The following NOP14 variants were observed in gnomAD, a reference collection of about 807,000 sequenced individuals.
NOP14 encodes NOP14 nucleolar protein, also known as nucleolar protein 14.
NOP14 carries 57 observed loss-of-function variants against 101.6 expected under a neutral mutation model. The ratio of observed to expected loss-of-function variants is 0.56; its 90% CI spans 0.45 to 0.70. The LOEUF (loss-of-function observed/expected upper bound fraction) is 0.70. NOP14 is among the 30% of genes least tolerant of loss of function. The pLI is 0.00. For missense variants in NOP14, 1,134 were observed against 1,075.5 expected (o/e 1.05, Z -0.76); for synonymous variants, 428 against 424.0 (o/e 1.01, Z -0.12).
chr4:2,949,818 G>T lies in NOP14; in HGVS notation c.1282+116C>A. Reference sequence around the variant, plus strand: ...GGGGTGTGTCCAGGCACTCCCAAGGGCATCCTTGGTCCCCATTCCACAAAT... The same window carrying T: ...GGGGTGTGTCCAGGCACTCCCAAGGTCATCCTTGGTCCCCATTCCACAAAT... On this transcript the variant is annotated intron_variant, in intron 8 of 17. Coordinates refer to ENST00000416614, the MANE Select transcript of NOP14 (RefSeq NM_001291978.2). The T allele has an allele frequency of 1.7e-6, 2 of 1,183,120 alleles. 1 individual carries two copies. Among genetic ancestry groups the T allele is most frequent in the South Asian group, 2.7e-5 (2 of 73,478 alleles). 73.3% of individuals were successfully genotyped at this position (1,183,120 alleles called of 1,614,324 possible). A position where few individuals can be genotyped will look rare whatever the true frequency, so the allele number is the denominator to read the frequency against.
At position 2,955,432 on chromosome 4, in the gene NOP14, G is replaced by A. The variant is rs866343114; in HGVS notation, c.473-869C>T. On this transcript the variant is annotated intron_variant, in intron 3 of 17. Transcript: ENST00000416614. ...CCCCTCTAGTCACCTGCACCACGGCGCCCTCTAGTCACCTGCACCACAGCG... is the reference window on the plus strand; with the variant it reads ...CCCCTCTAGTCACCTGCACCACGGCACCCTCTAGTCACCTGCACCACAGCG... Among the ~76,000 whole-genome samples, 37 of 113,180 alleles carry A rather than the reference G, an allele frequency of 3.3e-4. 1 individual carries two copies. The highest frequency in any genetic ancestry group is 1.5e-3 in the Admixed American group (16 of 10,576). The allele number at this position is 113,180 out of a possible 152,430, so 74.3% of individuals were successfully genotyped here.
chr4:2,956,568 C>A (rs905321658), intron 3 of NOP14, 102 bp downstream of exon 3: 5 of 1,126,580 alleles, frequency 4.4e-6, no homozygotes, highest in South Asian at 1.9e-5. Flanking sequence ...AACTTTCATG[C>A]AATAACTTTC....
At chr4:2,945,362 C>G in intron 11 of NOP14, 133 bp from the exon 12 acceptor site, 1 of 675,450 alleles carries the variant, frequency 1.5e-6, no homozygotes, top group Non-Finnish European at 2.6e-6. Flanking sequence ...AGAGCTCTGG[C>G]CTCAGTGTCA....
intron 15 of NOP14, 30 bp downstream of exon 15, chr4:2,941,552 C>T: frequency 6.2e-7 from 1 of 1,605,250 alleles, no homozygotes. Context: ...TGAGCCCAGG[C>T]AGAGCACCCT....
Position 2,938,209 on chromosome 4 carries a change from A to G in NOP14, c.*622T>C. ...GGGAGCTGGAGGTTGGAATCACACC[A>G]ACATTATAGCATTATTACTCTAAAA... is the stretch of plus-strand genomic sequence containing the variant. On this transcript the variant is annotated 3_prime_UTR_variant, in exon 18 of 18. Transcript: ENST00000416614. 1 of 1,289,064 alleles carries G rather than the reference A, an allele frequency of 7.8e-7. No individual in the cohort carries two copies. Among genetic ancestry groups the G allele is most frequent in the Non-Finnish European group, 1.0e-6 (1 of 988,608 alleles). The allele number at this position is 1,289,064 out of a possible 1,614,324, so 79.9% of individuals were successfully genotyped here. A position where few individuals can be genotyped will look rare whatever the true frequency, so the allele number is the denominator to read the frequency against.
intron 15 of NOP14, chr4:2,941,351 G>T: frequency 1.9e-6 from 1 of 535,080 alleles, no homozygotes; most frequent in Non-Finnish European, 3.4e-6. Flanking sequence ...AGCACACAAG[G>T]CGACAGTTCC....
intron 14 of NOP14, 146 bp downstream of exon 14, chr4:2,942,046 G>C (rs1162705183): frequency 1.3e-6 from 1 of 742,648 alleles, no homozygotes; most frequent in Non-Finnish European, 2.2e-6. Context: ...AAGCCAACAT[G>C]CCTCAGAAAG....
intron 8 of NOP14, among the ~76,000 whole-genome samples, chr4:2,948,755 C>T (rs952512516): frequency 1.3e-5 from 2 of 152,128 alleles, no homozygotes; most frequent in Non-Finnish European, 2.9e-5. Flanking sequence ...GCACCTGGCC[C>T]ACATTTCACA....
chr4:2,950,268 C>T (rs951515454), intron 7 of NOP14, 55 bp from the exon 8 acceptor site: 135 of 1,577,770 alleles, frequency 8.6e-5, no homozygotes, highest in Middle Eastern at 1.7e-4. Flanking sequence ...CAACGCTGGA[C>T]CATCTCACAG....
Position 2,941,945 on chromosome 4 carries a change from G to C in NOP14, c.2052-216C>G, listed in dbSNP as rs2960296. 255,052 of 632,216 alleles carry C rather than the reference G, an allele frequency of 0.4. 55,317 individuals carry two copies. The highest frequency in any genetic ancestry group is 0.62 in the African/African-American group (33,551 of 54,324). The allele number at this position is 632,216 out of a possible 1,614,324, so 39.2% of individuals were successfully genotyped here. A position where few individuals can be genotyped will look rare whatever the true frequency, so the allele number is the denominator to read the frequency against. Reference sequence around the variant, plus strand: ...GGAGGCTGTGGGAACCGCAGCGCCAGCTGGGATGGGGCGGCTCCATTTTTG... The same window carrying C: ...GGAGGCTGTGGGAACCGCAGCGCCACCTGGGATGGGGCGGCTCCATTTTTG... On this transcript the variant is annotated intron_variant, in intron 14 of 17. Transcript: ENST00000416614.
In NOP14 at chr4:2,950,112, C is replaced by G; in HGVS notation, c.1104G>C (p.Glu368Asp). The part of the protein sequence containing the change: ...NEEEGDSSGG[E>D]DTEESDSPDS... ...CTGGGCTGTCGCTCTCCTCTGTGTC[C>G]TCCCCGCCTGAACTGTCACCTTCTT... The change falls in exon 8 of 18, where the codon GAG becomes GAC. Residue 368 changes from glutamate to aspartate, a missense_variant. Glu to Asp is a conservative substitution (Grantham distance 45). Coordinates refer to ENST00000416614, the MANE Select transcript of NOP14 (RefSeq NM_001291978.2). The G allele has an allele frequency of 6.2e-7, 1 of 1,614,126 alleles. No homozygotes were observed. The highest frequency in any genetic ancestry group is 1.3e-5 in the African/African-American group (1 of 75,048).
At chr4:2,961,160 TTAA>T (rs1262990863) in intron 1 of NOP14, among the ~76,000 whole-genome samples, 2 of 11,760 alleles carry the variant, frequency 1.7e-4, no homozygotes, top group South Asian at 2.6e-3. Context: ...TAATAATATA[TTAA>T]TATGCTATTA....
chr4:2,962,252 C>T (rs1187164829), intron 1 of NOP14, among the ~76,000 whole-genome samples: 1 of 152,198 alleles, frequency 6.6e-6, no homozygotes, highest in Non-Finnish European at 1.5e-5. Context: ...TGTGTCTCTT[C>T]TAGGGAACCA....
chr4:2,959,796 A>G (rs1317102473), intron 1 of NOP14, among the ~76,000 whole-genome samples: 1 of 152,124 alleles, frequency 6.6e-6, no homozygotes, highest in Non-Finnish European at 1.5e-5. Context: ...GAATCAGGTT[A>G]AGCTCTCTGA....
Position 2,950,096 on chromosome 4 carries a change from C to T in NOP14, c.1120G>A (p.Asp374Asn), listed in dbSNP as rs766819529. 5.6e-6 allele frequency: 9 copies of T among 1,613,976 alleles called. No homozygotes were observed. The East Asian group carries it at 1.1e-4, about 20-fold the overall frequency. ...SSGGEDTEES[D>N]SPDSHLDLES... ...AGGTCCAAGTGGCTATCTGGGCTGTCGCTCTCCTCTGTGTCCTCCCCGCCT... is the reference window on the plus strand; with the variant it reads ...AGGTCCAAGTGGCTATCTGGGCTGTTGCTCTCCTCTGTGTCCTCCCCGCCT... Residue 374 changes from aspartate to asparagine, a missense_variant, in exon 8 of 18, where the codon GAC becomes AAC. Physicochemically the swap from Asp to Asn is conservative, Grantham distance 23. Transcript: ENST00000416614.
Position 2,955,428 on chromosome 4 carries a change from C to T in NOP14, c.473-865G>A, listed in dbSNP as rs549946998. Among the ~76,000 whole-genome samples, 6 of 128,450 alleles carry T rather than the reference C, an allele frequency of 4.7e-5. No homozygotes were observed. In the East Asian group the frequency reaches 7.7e-4, roughly 17 times the overall value. The allele number at this position is 128,450 out of a possible 152,430, so 84.3% of individuals were successfully genotyped here. The stretch of plus-strand genomic sequence containing the variant: ...GCGCCCCCTCTAGTCACCTGCACCA[C>T]GGCGCCCTCTAGTCACCTGCACCAC... On this transcript the variant is annotated intron_variant, in intron 3 of 17. Transcript: ENST00000416614.
At chr4:2,941,543 G>C in intron 15 of NOP14, 39 bp downstream of exon 15, 1 of 1,600,446 alleles carries the variant, frequency 6.2e-7, no homozygotes, top group Non-Finnish European at 8.5e-7. Context: ...GGACATGTCT[G>C]AGCCCAGGCA....
chr4:2,945,181 A>G lies in NOP14; in HGVS notation c.1684T>C (p.Trp562Arg). ...AGGGCAGGGGTCACCACTGGGTGCCAGAAGTCGGAAGTTGGAAATAGCAGC... is the reference window on the plus strand; with the variant it reads ...AGGGCAGGGGTCACCACTGGGTGCCGGAAGTCGGAAGTTGGAAATAGCAGC... ...TGLLFPTSDFWHPVVTPALVC... is the reference protein window; with the variant it reads ...TGLLFPTSDFRHPVVTPALVC... The change falls in exon 12 of 18, where the codon TGG becomes CGG. Residue 562 changes from tryptophan to arginine, a missense_variant. Physicochemically the swap from Trp to Arg is moderately radical, Grantham distance 101 (BLOSUM62 -3). Coordinates refer to ENST00000416614, the MANE Select transcript of NOP14 (RefSeq NM_001291978.2). 1 of 1,590,222 alleles carries G rather than the reference A, an allele frequency of 6.3e-7. No homozygotes were observed. Among genetic ancestry groups the G allele is most frequent in the Non-Finnish European group, 8.6e-7 (1 of 1,167,938 alleles).
intron 15 of NOP14, chr4:2,940,664 T>G (rs2109290019): frequency 6.6e-6 from 1 of 152,526 alleles, no homozygotes; most frequent in South Asian, 2.1e-4. Flanking sequence ...CATGGAACTC[T>G]CATCCTAGTG....
Sources: allele counts gnomAD v4.1 joint callset (sites outside exome capture counted in the v4.1 genomes callset), GRCh38; gene constraint gnomAD v4.1.1; transcripts MANE v1.5; gene names NCBI Gene and HGNC (gene_info 2026-07-23, HGNC 2026-07-21).